The following WDR64 variants were observed in gnomAD, a reference collection of about 807,000 sequenced individuals.
The protein encoded by WDR64 is WD repeat-containing protein 64.
A neutral mutation model predicts 139.3 loss-of-function variants in WDR64; 112 were observed. The observed-to-expected ratio is 0.80, with a 90% CI of 0.69 to 0.94. WDR64 has a LOEUF of 0.94. Ranked by LOEUF, WDR64 falls within the 40% of genes least tolerant of loss-of-function variation. The pLI is 0.00. For missense variants in WDR64, 1,206 were observed against 1,293.1 expected (o/e 0.93, Z 1.03); for synonymous variants, 444 against 437.7 (o/e 1.01, Z -0.18).
At chr1:241,705,411 G>A (rs892822531) in intron 8 of WDR64, among the ~76,000 whole-genome samples, 7 of 151,572 alleles carry the variant, frequency 4.6e-5, no homozygotes, top group South Asian at 2.1e-4. Flanking sequence ...GCATGGTGGC[G>A]GGCGCCTGTA....
chr1:241,772,140 A>T (rs2148302411), intron 19 of WDR64, among the ~76,000 whole-genome samples: 1 of 149,432 alleles, frequency 6.7e-6, no homozygotes, highest in East Asian at 2.0e-4. Context: ...TTTTTCTAAA[A>T]CTTATACTGC....
At chr1:241,663,321 T>G (rs1665904302) in intron 2 of WDR64, among the ~76,000 whole-genome samples, 1 of 152,224 alleles carries the variant, frequency 6.6e-6, no homozygotes, top group African/African-American at 2.4e-5. Context: ...CGTCCCTTCT[T>G]TTGCCATTAC....
intron 27 of WDR64, among the ~76,000 whole-genome samples, chr1:241,799,501 A>C (rs1486883606): frequency 1.3e-5 from 2 of 152,102 alleles, no homozygotes; most frequent in Non-Finnish European, 2.9e-5. Context: ...TTTCAAATCA[A>C]TGTTGCCCAG....
At chr1:241,755,625 G>A (rs1574071984) in intron 14 of WDR64, among the ~76,000 whole-genome samples, 2 of 152,254 alleles carry the variant, frequency 1.3e-5, no homozygotes, top group African/African-American at 4.8e-5. Flanking sequence ...TAGTCATGAA[G>A]TCTTTGCCCA....
chr1:241,688,354 G>A (rs1229144818), intron 8 of WDR64, among the ~76,000 whole-genome samples: 1 of 152,136 alleles, frequency 6.6e-6, no homozygotes, highest in Non-Finnish European at 1.5e-5. Flanking sequence ...TGTGGCGACT[G>A]TTGATTGTTA....
In WDR64 at chr1:241,790,747, T is replaced by C. The variant is rs771821214; in HGVS notation, c.2997+51T>C. 2.9e-6 allele frequency: 4 copies of C among 1,386,658 alleles called. No homozygotes were observed. The East Asian group carries it at 9.1e-5, about 32-fold the overall frequency. 85.9% of individuals were successfully genotyped at this position (1,386,658 alleles called of 1,614,324 possible). A position where few individuals can be genotyped will look rare whatever the true frequency, so the allele number is the denominator to read the frequency against. ...GAAATGGCAACAACAACAAAACCTT[T>C]GCTTTTGTTTTTCTGAATTCAAATA... On this transcript the variant is annotated intron_variant, in intron 25 of 27. Coordinates refer to ENST00000437684, the MANE Select transcript of WDR64 (RefSeq NM_001367482.1).
At chr1:241,746,845 C>T (rs1322242336) in intron 13 of WDR64, among the ~76,000 whole-genome samples, 3 of 151,790 alleles carry the variant, frequency 2.0e-5, no homozygotes, top group South Asian at 4.2e-4. Context: ...CTGCAACCTC[C>T]GCCTCCTGGG....
intron 27 of WDR64, among the ~76,000 whole-genome samples, chr1:241,798,353 T>C (rs961983239): frequency 6.6e-6 from 1 of 152,184 alleles, no homozygotes; most frequent in Admixed American, 6.5e-5. Context: ...TAGTTAAGTG[T>C]GGCCAGGAGG....
At chr1:241,691,933 A>G (rs1281942785) in intron 8 of WDR64, among the ~76,000 whole-genome samples, 1 of 152,032 alleles carries the variant, frequency 6.6e-6, no homozygotes, top group East Asian at 1.9e-4. Flanking sequence ...GAATTGCTTG[A>G]ACCCAGGAGG....
At chr1:241,756,467 G>T (rs1472434666) in intron 14 of WDR64, among the ~76,000 whole-genome samples, 1 of 152,090 alleles carries the variant, frequency 6.6e-6, no homozygotes, top group Non-Finnish European at 1.5e-5. Context: ...AAATGATGGG[G>T]TTTTCTAAAT....
At chr1:241,749,868 A>G in intron 14 of WDR64, 146 bp downstream of exon 14, 2 of 950,176 alleles carry the variant, frequency 2.1e-6, no homozygotes, top group South Asian at 3.7e-5. Flanking sequence ...GATGCTCCTC[A>G]TTAACTTTGC....
intron 8 of WDR64, among the ~76,000 whole-genome samples, chr1:241,699,430 T>C (rs1382002431): frequency 6.6e-6 from 1 of 152,200 alleles, no homozygotes; most frequent in African/African-American, 2.4e-5. Flanking sequence ...GCTAGGAATT[T>C]AAAGATGAAT....
intron 16 of WDR64, among the ~76,000 whole-genome samples, chr1:241,767,120 C>A (rs920032127): frequency 1.3e-5 from 2 of 152,168 alleles, no homozygotes; most frequent in African/African-American, 4.8e-5. Context: ...TTCCTGTATC[C>A]CCAGTGCCAC....
At chr1:241,682,722 A>G (rs1248491137) in intron 6 of WDR64, among the ~76,000 whole-genome samples, 2 of 152,218 alleles carry the variant, frequency 1.3e-5, no homozygotes, top group African/African-American at 4.8e-5. Flanking sequence ...CTTCCTCTCA[A>G]TCAATTCAGG....
chr1:241,773,746 G>A (rs946754318), intron 20 of WDR64, among the ~76,000 whole-genome samples: 3 of 152,138 alleles, frequency 2.0e-5, no homozygotes, highest in Admixed American at 6.5e-5. Flanking sequence ...GATTACAGGC[G>A]TGAGCCACTG....
chr1:241,751,027 T>C (rs951596612), intron 14 of WDR64, among the ~76,000 whole-genome samples: 1 of 152,250 alleles, frequency 6.6e-6, no homozygotes, highest in Non-Finnish European at 1.5e-5. Context: ...ATCTGCCTAT[T>C]TGAAATAAAA....
chr1:241,771,937 C>CATAT (rs369287433), intron 19 of WDR64, among the ~76,000 whole-genome samples: 3 of 56,526 alleles, frequency 5.3e-5, no homozygotes, highest in African/African-American at 1.2e-4. Context: ...CATATACATA[C>CATAT]ATACATACAT....
At chr1:241,769,037 C>T (rs1658305249) in intron 16 of WDR64, among the ~76,000 whole-genome samples, 1 of 152,132 alleles carries the variant, frequency 6.6e-6, no homozygotes, top group Non-Finnish European at 1.5e-5. Context: ...GAGGCTGAGG[C>T]AGGAGGATCG....
chr1:241,791,813 T>C (rs1659223999), intron 25 of WDR64, among the ~76,000 whole-genome samples: 1 of 152,198 alleles, frequency 6.6e-6, no homozygotes, highest in African/African-American at 2.4e-5. Flanking sequence ...TAAAGCAATA[T>C]ATTCACAAGT....
Sources: allele counts gnomAD v4.1 joint callset (sites outside exome capture counted in the v4.1 genomes callset), GRCh38; gene constraint gnomAD v4.1.1; transcripts MANE v1.5; gene names NCBI Gene and HGNC (gene_info 2026-07-23, HGNC 2026-07-21).